The following SSBP2 variants were observed in gnomAD, a reference collection of about 807,000 sequenced individuals.
The protein encoded by SSBP2 is single-stranded DNA-binding protein 2.
Under a neutral mutation model 61.8 loss-of-function variants are expected in SSBP2, and 17 were observed. That is an observed-to-expected ratio of 0.28 (90% CI 0.19 to 0.41). The LOEUF is 0.41. Among genes scored for constraint, SSBP2 ranks in the 10% least tolerant of loss-of-function variants. The probability of loss-of-function intolerance (pLI) is 1.00; values close to 1 mark genes in which losing one functional copy is unlikely to be tolerated. For synonymous variants in SSBP2, 139 were observed against 141.3 expected, an observed-to-expected ratio of 0.98 and a Z score of 0.12; for missense variants, 310 against 458.7, an observed-to-expected ratio of 0.68 and a Z score of 2.96.
At chr5:81,674,277 C>T (rs1751796593) in intron 1 of SSBP2, among the ~76,000 whole-genome samples, 1 of 152,128 alleles carries the variant, frequency 6.6e-6, no homozygotes, top group Admixed American at 6.6e-5. Context: ...CAAAGTTAAA[C>T]CTAAGGCAAC....
chr5:81,632,395 G>A (rs989547245), intron 3 of SSBP2, among the ~76,000 whole-genome samples: 4 of 152,156 alleles, frequency 2.6e-5, no homozygotes, highest in African/African-American at 7.2e-5. Flanking sequence ...AGGAAGATAC[G>A]ATATTAGGGG....
At chr5:81,709,916 TA>T (rs1246679587) in intron 1 of SSBP2, among the ~76,000 whole-genome samples, 1 of 151,998 alleles carries the variant, frequency 6.6e-6, no homozygotes, top group Non-Finnish European at 1.5e-5. Context: ...ATTTTAAATT[TA>T]AAAAATTAGA....
chr5:81,586,194 A>G (rs966198569), intron 4 of SSBP2, among the ~76,000 whole-genome samples: 1 of 152,128 alleles, frequency 6.6e-6, no homozygotes, highest in South Asian at 2.1e-4. Flanking sequence ...TGGTAGCTCT[A>G]TTTTTAATTT....
chr5:81,682,328 T>C (rs958036294), intron 1 of SSBP2, among the ~76,000 whole-genome samples: 1 of 152,206 alleles, frequency 6.6e-6, no homozygotes, highest in African/African-American at 2.4e-5. Context: ...GGAGGAATTA[T>C]ACAGCACAGA....
At position 81,474,351 on chromosome 5, in the gene SSBP2, T is replaced by C. The variant is rs568229326; in HGVS notation, c.499+145A>G. On this transcript the variant is annotated intron_variant, in intron 7 of 16. Transcript: ENST00000320672. Reference sequence around the variant, plus strand: ...TGCATAATTAAGTGAGCTGGAAATATAAATCATTTGGCTATGTTACTTAGA... The same window carrying C: ...TGCATAATTAAGTGAGCTGGAAATACAAATCATTTGGCTATGTTACTTAGA... The C allele has an allele frequency of 1.1e-5, 7 of 641,294 alleles. No individual in the cohort carries two copies. In the Admixed American group the frequency reaches 1.6e-4, roughly 15 times the overall value. The allele number at this position is 641,294 out of a possible 1,614,324, so 39.7% of individuals were successfully genotyped here. A position where few individuals can be genotyped will look rare whatever the true frequency, so the allele number is the denominator to read the frequency against.
At chr5:81,547,494 T>C (rs945167940) in intron 4 of SSBP2, among the ~76,000 whole-genome samples, 7 of 152,048 alleles carry the variant, frequency 4.6e-5, no homozygotes, top group Non-Finnish European at 4.4e-5. Flanking sequence ...TGAGACAGGA[T>C]CTCACGCTGT....
intron 4 of SSBP2, 42 bp from the exon 5 acceptor site, chr5:81,513,759 G>C: frequency 1.5e-6 from 2 of 1,376,450 alleles, no homozygotes; most frequent in Non-Finnish European, 2.1e-6. Context: ...TCATTACAGA[G>C]AAGGCACAAA....
chr5:81,460,466 A>G (rs528473702), intron 10 of SSBP2, among the ~76,000 whole-genome samples: 1 of 152,334 alleles, frequency 6.6e-6, no homozygotes, highest in South Asian at 2.1e-4. Context: ...TATTTCTGTG[A>G]CATTATTAAG....
At chr5:81,737,570 C>G (rs1756705450) in intron 1 of SSBP2, among the ~76,000 whole-genome samples, 1 of 151,774 alleles carries the variant, frequency 6.6e-6, no homozygotes, top group African/African-American at 2.4e-5. Context: ...ATCACGAGGT[C>G]AGGAGACTGA....
At chr5:81,668,678 A>G (rs1346972195) in intron 1 of SSBP2, among the ~76,000 whole-genome samples, 1 of 152,182 alleles carries the variant, frequency 6.6e-6, no homozygotes, top group East Asian at 1.9e-4. Flanking sequence ...AGGTAAATAA[A>G]GCATAAAGTT....
At position 81,676,248 on chromosome 5, in the gene SSBP2, T is replaced by C. The variant is rs79252975; in HGVS notation, c.63-25909A>G. ...AGTCTATGGCTCATAACCATCTTAT[T>C]TGGCAATGTCCTCACTGTCACTATT... On this transcript the variant is annotated intron_variant, in intron 1 of 16. Coordinates refer to ENST00000320672, the MANE Select transcript of SSBP2 (RefSeq NM_012446.5). Among the ~76,000 whole-genome samples, 1,267 of 152,306 alleles carry C rather than the reference T, an allele frequency of 8.3e-3. 27 individuals are homozygous for C. The highest frequency in any genetic ancestry group is 0.029 in the African/African-American group (1,215 of 41,580).
intron 4 of SSBP2, among the ~76,000 whole-genome samples, chr5:81,597,974 T>C (rs1291267380): frequency 6.6e-6 from 1 of 151,936 alleles, no homozygotes; most frequent in Non-Finnish European, 1.5e-5. Context: ...AACCTGCACG[T>C]TGTGCACATG....
At chr5:81,595,308 G>C (rs978936494) in intron 4 of SSBP2, among the ~76,000 whole-genome samples, 1 of 152,098 alleles carries the variant, frequency 6.6e-6, no homozygotes, top group Non-Finnish European at 1.5e-5. Flanking sequence ...TTGAATCTCT[G>C]AATAGACCAA....
chr5:81,591,560 A>G (rs1775504163), intron 4 of SSBP2, among the ~76,000 whole-genome samples: 1 of 152,218 alleles, frequency 6.6e-6, no homozygotes, highest in African/African-American at 2.4e-5. Context: ...CAAGCATGAA[A>G]AAATGGGAAA....
chr5:81,530,339 C>T (rs1770294388), intron 4 of SSBP2, among the ~76,000 whole-genome samples: 1 of 152,000 alleles, frequency 6.6e-6, no homozygotes, highest in African/African-American at 2.4e-5. Flanking sequence ...TGAGTTGATA[C>T]ACAATTAGAG....
intron 2 of SSBP2, among the ~76,000 whole-genome samples, chr5:81,641,739 C>T (rs1482719134): frequency 6.6e-6 from 1 of 152,144 alleles, no homozygotes; most frequent in Admixed American, 6.6e-5. Context: ...TAGAAACAGC[C>T]TGAGAAACAT....
At chr5:81,710,855 G>A (rs769574794) in intron 1 of SSBP2, 15 of 243,232 alleles carry the variant, frequency 6.2e-5, no homozygotes, top group African/African-American at 3.2e-4. Context: ...ATGGGAGCAC[G>A]AATAAAAAGA....
chr5:81,426,559 T>C (rs1377461559), intron 16 of SSBP2, among the ~76,000 whole-genome samples: 3 of 152,244 alleles, frequency 2.0e-5, no homozygotes, highest in Non-Finnish European at 4.4e-5. Context: ...GGAAGAAGCC[T>C]TGTTCCAGCT....
chr5:81,420,357 A>G lies in SSBP2; in HGVS notation c.*147T>C, dbSNP rs1761521390. The G allele has an allele frequency of 1.4e-6, 1 of 717,084 alleles. No homozygotes were observed. The highest frequency in any genetic ancestry group is 2.4e-6 in the Non-Finnish European group (1 of 415,202). 44.4% of individuals were successfully genotyped at this position (717,084 alleles called of 1,614,324 possible). A position where few individuals can be genotyped will look rare whatever the true frequency, so the allele number is the denominator to read the frequency against. ...TTTGGACCCGCTTTCTTCACAAAAG[A>G]GGGGAGAGAGCAGGAAATAAAAAGG... On this transcript the variant is annotated 3_prime_UTR_variant, in exon 17 of 17. Transcript: ENST00000320672.
Sources: gnomAD v4.1 joint callset for allele counts (sites outside exome capture counted in the v4.1 genomes callset) on GRCh38, gnomAD v4.1.1 for gene constraint, MANE v1.5 for transcripts, NCBI Gene and HGNC (gene_info 2026-07-23, HGNC 2026-07-21) for gene names.